Variants in PHF24 observed in about 807,000 individuals in gnomAD.
The protein encoded by PHF24 is Galpha inhibitory interacting protein.
PHF24 carries 25 observed loss-of-function variants against 42.6 expected under a neutral mutation model. The observed-to-expected ratio is 0.59, with a 90% confidence interval of 0.43 to 0.82. PHF24 has a LOEUF of 0.82. PHF24 is among the 40% of genes least tolerant of loss of function. The pLI is 0.00. For missense variants in PHF24, 470 were observed against 538.1 expected (o/e 0.87, Z 1.25); for synonymous variants, 185 against 204.8 (o/e 0.90, Z 0.83).
intron 3 of PHF24, 87 bp downstream of exon 3, chr9:34,972,618 A>G (rs1827036990): frequency 7.3e-7 from 1 of 1,362,508 alleles, no homozygotes; most frequent in Non-Finnish European, 9.9e-7. Context: ...GCAGTGACCT[A>G]AAGAATTTTC....
chr9:34,816,193 G>T, the PHF24 span, among the ~76,000 whole-genome samples: 1 of 151,926 alleles, frequency 6.6e-6, no homozygotes, highest in South Asian at 2.1e-4. Flanking sequence ...ACACCATCCT[G>T]TGCTGAAAAT....
the PHF24 span, among the ~76,000 whole-genome samples, chr9:34,689,148 A>G: frequency 6.6e-6 from 1 of 151,582 alleles, no homozygotes; most frequent in Admixed American, 6.6e-5. This position sits in a 1 kb window ranked among gnomAD's most constrained non-coding sequence, Gnocchi z 4.1. Flanking sequence ...GCCCCACTCC[A>G]CCTCCCCCAG....
the PHF24 span, chr9:34,723,484 C>T: frequency 6.4e-7 from 1 of 1,551,812 alleles, no homozygotes; most frequent in East Asian, 2.4e-5. Context: ...GAGCCAGGCT[C>T]TTTGCAACAT....
At chr9:34,837,034 G>C in the PHF24 span, 1 of 470,690 alleles carries the variant, frequency 2.1e-6, no homozygotes, top group Non-Finnish European at 4.4e-6. Flanking sequence ...GGCCAGGCTG[G>C]TGTTTAGAGA....
the PHF24 span, among the ~76,000 whole-genome samples, chr9:34,794,879 G>C: frequency 3.3e-5 from 5 of 152,098 alleles, no homozygotes; most frequent in Non-Finnish European, 5.9e-5. Context: ...CACATGAGGA[G>C]AAGAGAGAGA....
the PHF24 span, among the ~76,000 whole-genome samples, chr9:34,702,783 C>G: frequency 3.0e-4 from 45 of 152,276 alleles, no homozygotes; most frequent in African/African-American, 1.0e-3. Context: ...GCACTCCAGC[C>G]TGGGCAACAG....
chr9:34,880,086 T>C, the PHF24 span, among the ~76,000 whole-genome samples: 1 of 152,216 alleles, frequency 6.6e-6, no homozygotes, highest in African/African-American at 2.4e-5. Flanking sequence ...CAGAATTTCA[T>C]ATCCAGCCAA....
chr9:34,781,959 T>C, the PHF24 span, among the ~76,000 whole-genome samples: 5 of 152,286 alleles, frequency 3.3e-5, no homozygotes, highest in South Asian at 8.3e-4. Flanking sequence ...TGTCCCCACA[T>C]GGGAGAGAAG....
At chr9:34,721,416 TCTCTC>T in the PHF24 span, among the ~76,000 whole-genome samples, 2 of 151,810 alleles carry the variant, frequency 1.3e-5, no homozygotes, top group African/African-American at 4.8e-5. Context: ...TCTCTCTCTC[TCTCTC>T]TCTCTCTCTC....
chr9:34,807,066 C>T, the PHF24 span, among the ~76,000 whole-genome samples: 29 of 152,124 alleles, frequency 1.9e-4, no homozygotes, highest in Admixed American at 5.9e-4. Flanking sequence ...TGACTAGAAC[C>T]TCTAGTACAA....
At chr9:34,771,062 G>A in the PHF24 span, among the ~76,000 whole-genome samples, 13 of 152,260 alleles carry the variant, frequency 8.5e-5, no homozygotes, top group Admixed American at 3.9e-4. Flanking sequence ...GCAGTGAGCC[G>A]AGATTGAGCC....
chr9:34,666,539 C>T, the PHF24 span, among the ~76,000 whole-genome samples: 1 of 147,862 alleles, frequency 6.8e-6, no homozygotes, highest in African/African-American at 2.5e-5. Flanking sequence ...GGTCTGAGAC[C>T]TATCTTCTTG....
At chr9:34,868,913 G>A in the PHF24 span, among the ~76,000 whole-genome samples, 1 of 152,018 alleles carries the variant, frequency 6.6e-6, no homozygotes, top group Non-Finnish European at 1.5e-5. Context: ...TCCTCTCCCA[G>A]CCCTGCATGA....
chr9:34,724,929 C>T, the PHF24 span: 1 of 1,551,236 alleles, frequency 6.4e-7, no homozygotes, highest in African/African-American at 1.4e-5. Context: ...TCCAGTTTCT[C>T]AATGGCTTCC....
At chr9:34,678,796 A>G in the PHF24 span, among the ~76,000 whole-genome samples, 1 of 151,840 alleles carries the variant, frequency 6.6e-6, no homozygotes, top group Non-Finnish European at 1.5e-5. Flanking sequence ...ATGCCCGGCT[A>G]ATTTTTGTAT....
At chr9:34,689,662 T>G in the PHF24 span, 1 of 792,048 alleles carries the variant, frequency 1.3e-6, no homozygotes, top group Non-Finnish European at 2.1e-6. The surrounding 1 kb of genome is among the most constrained non-coding windows in gnomAD (Gnocchi z 4.1). Flanking sequence ...TCGCTCACAC[T>G]CACACTCACA....
the PHF24 span, among the ~76,000 whole-genome samples, chr9:34,941,742 A>G: frequency 3.3e-5 from 5 of 152,136 alleles, no homozygotes; most frequent in Non-Finnish European, 7.4e-5. Flanking sequence ...GCCTTCCACC[A>G]TGCTCTCTGC....
At chr9:34,705,059 ATT>A in the PHF24 span, among the ~76,000 whole-genome samples, 14 of 144,864 alleles carry the variant, frequency 9.7e-5, no homozygotes, top group Non-Finnish European at 1.5e-4. Context: ...CATCTTTAGG[ATT>A]TTTTTTTTTT....
chr9:34,795,628 A>G, the PHF24 span, among the ~76,000 whole-genome samples: 3 of 152,188 alleles, frequency 2.0e-5, no homozygotes. Context: ...AACAATTTTT[A>G]AAAAGAAGTA....
Sources: gnomAD v4.1 joint callset for allele counts (sites outside exome capture counted in the v4.1 genomes callset) on GRCh38, gnomAD v4.1.1 for gene constraint, Gnocchi (gnomAD v3.1) non-coding constraint, MANE v1.5 for transcripts, NCBI Gene and HGNC (gene_info 2026-07-23, HGNC 2026-07-21) for gene names.